Variants in RGL1 observed in about 807,000 individuals in gnomAD.
The protein encoded by RGL1 is ral guanine nucleotide dissociation stimulator-like 1.
In RGL1, 24 loss-of-function variants were observed where a neutral mutation model predicts 95.2. That is an observed-to-expected ratio of 0.25 (90% CI 0.18 to 0.35). The LOEUF is 0.35. Among genes scored for constraint, RGL1 ranks in the 10% least tolerant of loss-of-function variants. RGL1 has a pLI of 1.00. For synonymous variants in RGL1, 329 were observed against 344.9 expected (o/e 0.95, Z 0.51); for missense variants, 715 against 936.3 (o/e 0.76, Z 3.08).
intron 1 of RGL1, among the ~76,000 whole-genome samples, chr1:183,644,162 T>C (rs927043719): frequency 1.3e-5 from 2 of 152,150 alleles, no homozygotes; most frequent in African/African-American, 4.8e-5. Context: ...GAATCTGCAT[T>C]GTTATTATTT....
intron 1 of RGL1, among the ~76,000 whole-genome samples, chr1:183,732,294 T>C (rs1656673590): frequency 6.6e-6 from 1 of 152,072 alleles, no homozygotes; most frequent in Admixed American, 6.6e-5. Context: ...GAAAGTCCTG[T>C]AAAAGTTTAA....
At chr1:183,679,486 G>A (rs193274099) in intron 1 of RGL1, among the ~76,000 whole-genome samples, 23 of 149,288 alleles carry the variant, frequency 1.5e-4, no homozygotes, top group Admixed American at 8.6e-4. Flanking sequence ...AACATGCGGC[G>A]TTCAGTTTTC....
chr1:183,914,510 C>T (rs372339926), intron 15 of RGL1, among the ~76,000 whole-genome samples: 5 of 152,268 alleles, frequency 3.3e-5, no homozygotes, highest in African/African-American at 9.6e-5. Flanking sequence ...AGCTGACCTC[C>T]ACACTTCCTT....
At chr1:183,901,714 C>T (rs1668038233) in intron 11 of RGL1, among the ~76,000 whole-genome samples, 1 of 151,962 alleles carries the variant, frequency 6.6e-6, no homozygotes, top group Admixed American at 6.6e-5. Flanking sequence ...CTCTCTACCC[C>T]TACTCCCTTC....
At chr1:183,757,434 C>T (rs575472520) in intron 2 of RGL1, among the ~76,000 whole-genome samples, 2 of 152,322 alleles carry the variant, frequency 1.3e-5, no homozygotes, top group East Asian at 3.9e-4. Flanking sequence ...GGTTTGATGA[C>T]AGAGCTAGGG....
At chr1:183,755,571 T>C (rs902580835) in intron 2 of RGL1, among the ~76,000 whole-genome samples, 3 of 152,148 alleles carry the variant, frequency 2.0e-5, no homozygotes, top group Non-Finnish European at 2.9e-5. Context: ...TTTGTGGTGA[T>C]GTGTTCAATT....
chr1:183,825,439 G>T (rs1432998325), intron 2 of RGL1, among the ~76,000 whole-genome samples: 1 of 152,154 alleles, frequency 6.6e-6, no homozygotes, highest in Admixed American at 6.5e-5. Flanking sequence ...GGTAGCAGCA[G>T]TAACAGGCTA....
At chr1:183,892,022 T>A (rs1326390646) in intron 8 of RGL1, 55 bp from the exon 9 acceptor site, 1 of 1,400,968 alleles carries the variant, frequency 7.1e-7, no homozygotes, top group Non-Finnish European at 1.0e-6. Flanking sequence ...GGGCCAAAAG[T>A]GTCGGGTTAT....
At chr1:183,651,418 T>G (rs1000564961) in intron 1 of RGL1, among the ~76,000 whole-genome samples, 1 of 152,232 alleles carries the variant, frequency 6.6e-6, no homozygotes, top group Admixed American at 6.5e-5. Context: ...TATGTTCACC[T>G]TCTGTCTTCC....
chr1:183,759,422 C>A (rs1359935172), intron 2 of RGL1, among the ~76,000 whole-genome samples: 1 of 152,096 alleles, frequency 6.6e-6, no homozygotes, highest in Non-Finnish European at 1.5e-5. Context: ...CTGAAGTATC[C>A]AGGCCAAACA....
chr1:183,825,028 A>G (rs1315906438), intron 2 of RGL1, among the ~76,000 whole-genome samples: 1 of 152,226 alleles, frequency 6.6e-6, no homozygotes, highest in Non-Finnish European at 1.5e-5. Context: ...AGAAGAAAGC[A>G]TTGATAGCTA....
intron 3 of RGL1, among the ~76,000 whole-genome samples, chr1:183,852,333 T>C (rs1159823942): frequency 6.6e-6 from 1 of 152,196 alleles, no homozygotes; most frequent in Non-Finnish European, 1.5e-5. Flanking sequence ...TAATTCCATG[T>C]GTTTGCTTTA....
Position 183,717,660 on chromosome 1 carries a change from TA to T in RGL1, c.-32-24463del, listed in dbSNP as rs568356128. Among the ~76,000 whole-genome samples, 64 of 152,304 alleles carry T rather than the reference TA, an allele frequency of 4.2e-4. 1 individual carries two copies. The South Asian group carries it at 0.013, about 31-fold the overall frequency. ...AAACAGAAATACAATTTCAAGAAGC[TA>T]AAGGAGTGACTGTGTGTACTCGGGT... On this transcript the variant is annotated intron_variant, in intron 1 of 18. Transcript: ENST00000304685.
intron 4 of RGL1, among the ~76,000 whole-genome samples, chr1:183,878,108 C>G (rs919853304): frequency 1.3e-5 from 2 of 152,112 alleles, no homozygotes; most frequent in African/African-American, 4.8e-5. Flanking sequence ...GATGAAGTAT[C>G]TGTAATATAC....
chr1:183,698,197 G>C (rs1654363016), intron 1 of RGL1, among the ~76,000 whole-genome samples: 1 of 152,204 alleles, frequency 6.6e-6, no homozygotes, highest in Non-Finnish European at 1.5e-5. Flanking sequence ...CACTGACAGA[G>C]AACCAATTTG....
chr1:183,662,767 C>A (rs2102029510), intron 1 of RGL1, among the ~76,000 whole-genome samples: 1 of 152,148 alleles, frequency 6.6e-6, no homozygotes, highest in Non-Finnish European at 1.5e-5. Flanking sequence ...AATCCTAAGC[C>A]AAAAGAACAA....
chr1:183,847,297 A>G (rs1044254458), intron 2 of RGL1, among the ~76,000 whole-genome samples: 11 of 152,126 alleles, frequency 7.2e-5, no homozygotes, highest in African/African-American at 2.7e-4. Context: ...AAAAACAAAA[A>G]TACAAAAATG....
In RGL1 at chr1:183,665,306, A is replaced by G. The variant is rs755573895; in HGVS notation, c.-33+28805A>G. ...ATTCAATTTGCTAATACTTTCGTTG[A>G]GAATTTTCACATCTATGTTCATGAG... On this transcript the variant is annotated intron_variant, in intron 1 of 18. Coordinates refer to the RGL1 transcript ENST00000304685. Among the ~76,000 whole-genome samples the G allele has an allele frequency of 3.2e-4, 49 of 152,126 alleles. 1 individual carries two copies. Among genetic ancestry groups the G allele is most frequent in the Admixed American group, 6.6e-5 (1 of 15,262 alleles).
chr1:183,895,452 T>C (rs546398327), intron 9 of RGL1, among the ~76,000 whole-genome samples: 10 of 150,316 alleles, frequency 6.7e-5, no homozygotes, highest in Non-Finnish European at 1.3e-4. Context: ...GAGAAGGAGA[T>C]TGATGGAGGA....
Sources: allele counts gnomAD v4.1 joint callset (sites outside exome capture counted in the v4.1 genomes callset), GRCh38; gene constraint gnomAD v4.1.1; transcripts MANE v1.5; gene names NCBI Gene and HGNC (gene_info 2026-07-23, HGNC 2026-07-21).